GMPS: variants seen among roughly 807,000 people sequenced by gnomAD.
GMPS encodes the protein GMP synthase [glutamine-hydrolyzing].
In GMPS, 15 loss-of-function variants were observed where a neutral mutation model predicts 77.9. The ratio of observed to expected loss-of-function variants is 0.19; its 90% CI spans 0.13 to 0.30. The LOEUF is 0.30. Ranked by LOEUF, GMPS falls within the 10% of genes least tolerant of loss-of-function variation. The pLI is 1.00. For missense variants in GMPS, 590 were observed against 838.8 expected (o/e 0.70, Z 3.66); for synonymous variants, 224 against 275.9 (o/e 0.81, Z 1.86).
At chr3:155,882,902 TA>T (rs1230746003) in intron 1 of GMPS, among the ~76,000 whole-genome samples, 27 of 152,346 alleles carry the variant, frequency 1.8e-4, no homozygotes, top group African/African-American at 6.5e-4. Flanking sequence ...TTTCAGATTT[TA>T]TTCATTATTT....
chr3:155,906,677 G>C (rs1754903530), intron 5 of GMPS, among the ~76,000 whole-genome samples: 1 of 151,746 alleles, frequency 6.6e-6, no homozygotes, highest in Admixed American at 6.6e-5. Flanking sequence ...ACATTTCCCT[G>C]AACCAGGGTT....
In GMPS at chr3:155,917,614, C is replaced by T. The variant is rs189733620; in HGVS notation, c.1212+1422C>T. On this transcript the variant is annotated intron_variant, in intron 9 of 15. Coordinates refer to ENST00000496455, the MANE Select transcript of GMPS (RefSeq NM_003875.3). ...CTGAAAAATGGGCCAGGCACAGTGG[C>T]TCATGCCTAGCGCTTTGGGAGGCTG... Among the ~76,000 whole-genome samples, 188 of 152,140 alleles carry T rather than the reference C, an allele frequency of 1.2e-3. 1 individual carries two copies. Among genetic ancestry groups the T allele is most frequent in the African/African-American group, 4.2e-3 (176 of 41,528 alleles).
chr3:155,870,298 C>T (rs1398050582), upstream of GMPS, among the ~76,000 whole-genome samples: 1 of 152,232 alleles, frequency 6.6e-6, no homozygotes, highest in Non-Finnish European at 1.5e-5. Context: ...CGAAGTCATC[C>T]AAGGTAGCAG....
At chr3:155,918,851 GT>G (rs1755251061) in intron 9 of GMPS, among the ~76,000 whole-genome samples, 2 of 152,086 alleles carry the variant, frequency 1.3e-5, no homozygotes, top group Admixed American at 6.6e-5. Context: ...ACTTGCAAAT[GT>G]CTTCTCTAGT....
intron 1 of GMPS, among the ~76,000 whole-genome samples, chr3:155,885,173 T>C (rs1754307950): frequency 6.6e-6 from 1 of 152,246 alleles, no homozygotes; most frequent in South Asian, 2.1e-4. Flanking sequence ...TATGAAGTTA[T>C]TAACCAAGAG....
intron 1 of GMPS, among the ~76,000 whole-genome samples, chr3:155,886,611 C>CTTTTTTTTTTTTTTTTT (rs58367815): frequency 1.3e-5 from 1 of 78,036 alleles, no homozygotes; most frequent in Admixed American, 1.9e-4. Context: ...TTCCTGATGA[C>CTTTTTTTTTTTTTTTTT]TTTTTTTTTT....
chr3:155,872,357 C>A (rs924680182), intron 1 of GMPS, among the ~76,000 whole-genome samples: 1 of 152,164 alleles, frequency 6.6e-6, no homozygotes, highest in African/African-American at 2.4e-5. Flanking sequence ...TAGTTTCTGA[C>A]CTAAGGAGCA....
chr3:155,877,833 G>A (rs1479499564), intron 1 of GMPS, among the ~76,000 whole-genome samples: 1 of 140,100 alleles, frequency 7.1e-6, no homozygotes, highest in East Asian at 2.1e-4. Context: ...AGTCTCGCTA[G>A]TACAGTGGCG....
At chr3:155,895,832 GT>G (rs1052968773) in intron 2 of GMPS, among the ~76,000 whole-genome samples, 2 of 151,914 alleles carry the variant, frequency 1.3e-5, no homozygotes, top group African/African-American at 4.8e-5. Context: ...TGACTTTTTT[GT>G]TTTTTTAATA....
At chr3:155,931,731 T>C in intron 12 of GMPS, 34 bp from the exon 13 acceptor site, 1 of 867,024 alleles carries the variant, frequency 1.2e-6, no homozygotes, top group Non-Finnish European at 2.0e-6. Flanking sequence ...ATCTTTTGAC[T>C]ATTAAAAATT....
chr3:155,877,042 A>ATGTAAATT (rs1424872799), intron 1 of GMPS, among the ~76,000 whole-genome samples: 1 of 152,222 alleles, frequency 6.6e-6, no homozygotes, highest in Non-Finnish European at 1.5e-5. Context: ...ACAGCGGTCC[A>ATGTAAATT]TGTAAATTTA....
intron 1 of GMPS, among the ~76,000 whole-genome samples, 200 bp from the exon 2 acceptor site, chr3:155,893,318 T>A (rs1016398246): frequency 2.0e-5 from 3 of 152,234 alleles, no homozygotes; most frequent in Admixed American, 6.5e-5. Flanking sequence ...TTATTAAGTT[T>A]AAGTGTTTAA....
chr3:155,916,977 A>ATTT (rs35954197), intron 9 of GMPS, among the ~76,000 whole-genome samples: 3 of 144,092 alleles, frequency 2.1e-5, no homozygotes, highest in Non-Finnish European at 4.6e-5. Flanking sequence ...CTTAACTCTG[A>ATTT]TTTTTTTTTT....
chr3:155,899,895 A>T (rs1754692849), intron 3 of GMPS, among the ~76,000 whole-genome samples: 1 of 152,164 alleles, frequency 6.6e-6, no homozygotes, highest in Non-Finnish European at 1.5e-5. Context: ...GTGCATTTAA[A>T]GTTCTTCCAT....
At chr3:155,895,245 C>T (rs2044036217) in intron 2 of GMPS, among the ~76,000 whole-genome samples, 1 of 152,076 alleles carries the variant, frequency 6.6e-6, no homozygotes. Flanking sequence ...AACTATTTGA[C>T]CACCCCTTTT....
chr3:155,931,892 A>T lies in GMPS; in HGVS notation c.1676+12A>T. On this transcript the variant is annotated intron_variant, in intron 13 of 15. Transcript: ENST00000496455. ...CACAACGTTAACAGGTGTGTTTCAC[A>T]GGAGCTAGGGTGGGGGCTTGTGTAA... is the stretch of plus-strand genomic sequence containing the variant. 8.3e-7 allele frequency: 1 copy of T among 1,211,964 alleles called. No individual in the cohort carries two copies. The highest frequency in any genetic ancestry group is 1.2e-6 in the Non-Finnish European group (1 of 815,062). The allele number at this position is 1,211,964 out of a possible 1,614,324, so 75.1% of individuals were successfully genotyped here.
At chr3:155,880,795 G>T (rs1452485383) in intron 1 of GMPS, among the ~76,000 whole-genome samples, 2 of 151,828 alleles carry the variant, frequency 1.3e-5, no homozygotes, top group East Asian at 3.9e-4. Context: ...GCCTAAGGTG[G>T]TACATCTTGG....
rs1299716536 is a variant in GMPS at position 155,934,247 on chromosome 3, T to C, written c.1677-669T>C. On this transcript the variant is annotated intron_variant, in intron 13 of 15. Coordinates refer to ENST00000496455, the MANE Select transcript of GMPS (RefSeq NM_003875.3). ...TGTATTTGTTTCCTAGGACTACCCA[T>C]AACAAATCACCACAAACTAGGAGGC... is the stretch of plus-strand genomic sequence containing the variant. Among the ~76,000 whole-genome samples, 4 of 152,202 alleles carry C rather than the reference T, an allele frequency of 2.6e-5. No individual in the cohort carries two copies. In the East Asian group the frequency reaches 7.7e-4, roughly 29 times the overall value.
Position 155,940,117 on chromosome 3 carries a change from G to A in GMPS, c.*2425G>A, listed in dbSNP as rs962199938. 15 of 205,520 alleles carry A rather than the reference G, an allele frequency of 7.3e-5. No homozygotes were observed. The highest frequency in any genetic ancestry group is 2.5e-4 in the African/African-American group (11 of 43,916). The allele number at this position is 205,520 out of a possible 1,614,324, so 12.7% of individuals were successfully genotyped here. A position where few individuals can be genotyped will look rare whatever the true frequency, so the allele number is the denominator to read the frequency against. ...CTGGGCATATCATGACTTTATTCCC[G>A]TTGCTTACCATCTACCTGGGACACA... On this transcript the variant is annotated 3_prime_UTR_variant, in exon 16 of 16. Coordinates refer to ENST00000496455, the MANE Select transcript of GMPS (RefSeq NM_003875.3).
Sources: gnomAD v4.1 joint callset for allele counts (sites outside exome capture counted in the v4.1 genomes callset) on GRCh38, gnomAD v4.1.1 for gene constraint, MANE v1.5 for transcripts, NCBI Gene and HGNC (gene_info 2026-07-23, HGNC 2026-07-21) for gene names.